The following MATN2 variants were observed in gnomAD, a reference collection of about 807,000 sequenced individuals.
MATN2 encodes the protein matrilin-2.
A neutral mutation model predicts 103.2 loss-of-function variants in MATN2; 69 were observed. That is an observed-to-expected ratio of 0.67 (90% CI 0.55 to 0.82). MATN2 has a LOEUF of 0.82. Ranked by LOEUF, MATN2 falls within the 40% of genes least tolerant of loss-of-function variation. The pLI, the probability that MATN2 is intolerant of heterozygous loss-of-function variation, is 0.00. For missense variants in MATN2, 1,023 were observed against 1,211.5 expected, an observed-to-expected ratio of 0.84 and a Z score of 2.31; for synonymous variants, 429 against 450.2, an observed-to-expected ratio of 0.95 and a Z score of 0.60.
intron 2 of MATN2, among the ~76,000 whole-genome samples, chr8:97,897,401 A>G (rs1211868776): frequency 1.3e-5 from 2 of 152,246 alleles, no homozygotes; most frequent in Non-Finnish European, 2.9e-5. Flanking sequence ...AAGCTTTACA[A>G]ATAAGCTGCT....
intron 2 of MATN2, among the ~76,000 whole-genome samples, chr8:97,924,801 G>A (rs1041101987): frequency 2.0e-5 from 3 of 151,854 alleles, no homozygotes; most frequent in South Asian, 2.1e-4. Context: ...TCCAGGCAAG[G>A]AAAGAACTGA....
At chr8:97,957,010 C>T (rs562508354) in intron 4 of MATN2, among the ~76,000 whole-genome samples, 2 of 152,290 alleles carry the variant, frequency 1.3e-5, no homozygotes, top group East Asian at 3.9e-4. Context: ...AAAACTGACC[C>T]TCTTATAATG....
At chr8:97,908,148 G>A (rs1248624412) in intron 2 of MATN2, among the ~76,000 whole-genome samples, 3 of 152,080 alleles carry the variant, frequency 2.0e-5, no homozygotes, top group Non-Finnish European at 1.5e-5. Context: ...AGATAATTGG[G>A]TAGTTGGCTG....
chr8:97,979,441 G>A (rs1811950313), intron 6 of MATN2, among the ~76,000 whole-genome samples: 3 of 152,164 alleles, frequency 2.0e-5, no homozygotes, highest in South Asian at 2.1e-4. Flanking sequence ...CTGGTGGACC[G>A]CAGTTTGCAA....
At chr8:97,885,855 G>A (rs1249273076) in intron 1 of MATN2, among the ~76,000 whole-genome samples, 1 of 152,158 alleles carries the variant, frequency 6.6e-6, no homozygotes. Flanking sequence ...TATTTGTAAT[G>A]AGCTAGTGCA....
chr8:97,931,092 C>T lies in MATN2; in HGVS notation c.282C>T (p.Thr94=). 6.2e-7 allele frequency: 1 copy of T among 1,613,968 alleles called. No individual in the cohort carries two copies. Among genetic ancestry groups the T allele is most frequent in the Non-Finnish European group, 8.5e-7 (1 of 1,179,884 alleles). The change falls in exon 3 of 19, where the codon ACC becomes ACT. Residue 94 remains threonine (T), a synonymous_variant. Coordinates refer to ENST00000254898, the MANE Select transcript of MATN2 (RefSeq NM_002380.5). The surrounding 1 kb of genome is among the most constrained non-coding windows in gnomAD (Gnocchi z 4.1). ...LQFLDIGPDV[T]RVGLLQYGST... is the part of the protein sequence containing the mutation. ...TCTTGGACATTGGTCCTGATGTCAC[C>T]CGAGTGGGCCTGCTCCAATATGGCA...
At chr8:97,900,984 C>T (rs1240782602) in intron 2 of MATN2, among the ~76,000 whole-genome samples, 1 of 152,134 alleles carries the variant, frequency 6.6e-6, no homozygotes, top group East Asian at 1.9e-4. Context: ...CCAAGGTCTG[C>T]ATTAGGCCCA....
intron 2 of MATN2, among the ~76,000 whole-genome samples, chr8:97,908,338 G>A (rs941721975): frequency 6.6e-6 from 1 of 151,896 alleles, no homozygotes; most frequent in African/African-American, 2.4e-5. Context: ...AGCCAGTTAC[G>A]ATGGCCCATG....
chr8:97,908,364 C>T (rs1488707016), intron 2 of MATN2, among the ~76,000 whole-genome samples: 15 of 152,030 alleles, frequency 9.9e-5, no homozygotes, highest in Non-Finnish European at 1.9e-4. Context: ...AATCCCAGAA[C>T]TTTGGGAGGC....
intron 6 of MATN2, among the ~76,000 whole-genome samples, chr8:97,986,808 T>C (rs1208645904): frequency 6.6e-6 from 1 of 152,190 alleles, no homozygotes; most frequent in Non-Finnish European, 1.5e-5. Context: ...AGTAGTGGGA[T>C]TGCTGGATCA....
chr8:98,004,385 G>A (rs901662863), intron 8 of MATN2: 50 of 154,174 alleles, frequency 3.2e-4, no homozygotes, highest in African/African-American at 1.2e-3. Flanking sequence ...TTGCTGTTAA[G>A]TGTATTTACT....
intron 14 of MATN2, 24 bp downstream of exon 14, chr8:98,027,853 T>G (rs1200413086): frequency 1.3e-6 from 2 of 1,525,412 alleles, no homozygotes; most frequent in African/African-American, 1.4e-5. Flanking sequence ...GAGGTGCGGT[T>G]TACACCACTC....
At chr8:97,953,793 CAAA>C (rs71271176) in intron 4 of MATN2, among the ~76,000 whole-genome samples, 1 of 119,532 alleles carries the variant, frequency 8.4e-6, no homozygotes. Flanking sequence ...TCCATCTCAC[CAAA>C]AAAAAAAAAA....
intron 6 of MATN2, among the ~76,000 whole-genome samples, chr8:97,981,554 C>T (rs1043933304): frequency 2.6e-5 from 4 of 152,160 alleles, no homozygotes; most frequent in Admixed American, 2.6e-4. Flanking sequence ...GTCATGGTGC[C>T]AGGAGTTATG....
intron 6 of MATN2, among the ~76,000 whole-genome samples, chr8:97,991,808 C>T (rs1210536780): frequency 1.3e-5 from 2 of 152,152 alleles, no homozygotes; most frequent in East Asian, 3.8e-4. Context: ...AAGCAATCCT[C>T]CAGCCTCAGC....
At chr8:98,009,307 G>T (rs1238137599) in intron 10 of MATN2, among the ~76,000 whole-genome samples, 1 of 152,142 alleles carries the variant, frequency 6.6e-6, no homozygotes, top group Non-Finnish European at 1.5e-5. Context: ...GGTTTTCAGC[G>T]TGGCCACAGC....
At chr8:97,897,067 T>C (rs763463409) in intron 2 of MATN2, among the ~76,000 whole-genome samples, 15 of 152,234 alleles carry the variant, frequency 9.9e-5, no homozygotes, top group Non-Finnish European at 1.8e-4. Context: ...GATTAGGCAG[T>C]GAAGCAGGGG....
In MATN2 at chr8:98,027,554, T is replaced by G; in HGVS notation, c.2081T>G (p.Val694Gly). 6.2e-7 allele frequency: 1 copy of G among 1,613,712 alleles called. No individual in the cohort carries two copies. Residue 694 changes from valine (V) to glycine (G), a missense_variant, in exon 14 of 19, where the codon GTG (valine) becomes GGG (glycine). By Grantham distance (109) the Val-to-Gly change is moderately radical. Transcript: ENST00000254898. Reference protein sequence around the residue: ...SLTISPKAARVGLLQYSTQVH... With the variant: ...SLTISPKAARGGLLQYSTQVH... ...ACAATTTCCCCCAAAGCCGCTCGAG[T>G]GGGGCTGCTCCAGTATTCCACACAG...
intron 4 of MATN2, among the ~76,000 whole-genome samples, chr8:97,951,750 T>G (rs1336318049): frequency 2.0e-5 from 3 of 152,174 alleles, no homozygotes; most frequent in Non-Finnish European, 4.4e-5. Context: ...TGTTTATTTA[T>G]TATTTTTGTC....
Sources: gnomAD v4.1 joint callset for allele counts (sites outside exome capture counted in the v4.1 genomes callset) on GRCh38, gnomAD v4.1.1 for gene constraint, Gnocchi (gnomAD v3.1) non-coding constraint, MANE v1.5 for transcripts, NCBI Gene and HGNC (gene_info 2026-07-23, HGNC 2026-07-21) for gene names.